The following PROS1 variants were observed in gnomAD, a reference collection of about 807,000 sequenced individuals.
PROS1 encodes the protein protein S.
PROS1 carries 29 observed loss-of-function variants against 75.9 expected under a neutral mutation model. That is an observed-to-expected ratio of 0.38 (90% confidence interval 0.28 to 0.52). The LOEUF (loss-of-function observed/expected upper bound fraction) is 0.52, where lower values mean the gene tolerates loss of function less well. Among genes scored for constraint, PROS1 ranks in the 20% least tolerant of loss-of-function variants. PROS1 has a pLI of 0.83. For synonymous variants in PROS1, 245 were observed against 280.6 expected (o/e 0.87, Z 1.27); for missense variants, 680 against 810.3 (o/e 0.84, Z 1.95).
chr3:93,947,859 C>A (rs1038735620), intron 1 of PROS1, among the ~76,000 whole-genome samples: 1 of 152,114 alleles, frequency 6.6e-6, no homozygotes, highest in African/African-American at 2.4e-5. Flanking sequence ...TGAGCCACCA[C>A]ACCCAGCCTA....
intron 4 of PROS1, among the ~76,000 whole-genome samples, chr3:93,907,689 A>G (rs1277757511): frequency 6.6e-6 from 1 of 152,238 alleles, no homozygotes; most frequent in East Asian, 1.9e-4. Context: ...AGGCACCACC[A>G]GCCACAGAAG....
At chr3:93,915,253 G>A (rs1270239376) in intron 3 of PROS1, among the ~76,000 whole-genome samples, 1 of 152,116 alleles carries the variant, frequency 6.6e-6, no homozygotes, top group Non-Finnish European at 1.5e-5. Context: ...GATCACTTAA[G>A]GTAAGGAGTT....
At chr3:93,937,813 A>T (rs1389523169) in intron 1 of PROS1, among the ~76,000 whole-genome samples, 1 of 152,160 alleles carries the variant, frequency 6.6e-6, no homozygotes, top group Admixed American at 6.5e-5. Flanking sequence ...ACAATATGAG[A>T]GGGTCTCTCT....
chr3:93,948,384 G>A (rs1559948243), intron 1 of PROS1, among the ~76,000 whole-genome samples: 1 of 152,172 alleles, frequency 6.6e-6, no homozygotes, highest in African/African-American at 2.4e-5. Flanking sequence ...TGTATATTCT[G>A]TTGATTTGGG....
intron 1 of PROS1, among the ~76,000 whole-genome samples, chr3:93,945,762 CCTCT>C (rs1709382767): frequency 6.6e-6 from 1 of 152,068 alleles, no homozygotes. Context: ...ACAGGGATGC[CCTCT>C]CTCACCACTC....
At chr3:93,970,797 C>T (rs1709868238) in intron 1 of PROS1, among the ~76,000 whole-genome samples, 1 of 152,004 alleles carries the variant, frequency 6.6e-6, no homozygotes, top group Admixed American at 6.6e-5. Context: ...TTTCTAATAA[C>T]TCTTTCTAAA....
chr3:93,951,796 A>T (rs1709502808), intron 1 of PROS1, among the ~76,000 whole-genome samples: 1 of 152,206 alleles, frequency 6.6e-6, no homozygotes, highest in African/African-American at 2.4e-5. Flanking sequence ...CAAATTGGAT[A>T]AAGAGTTAAG....
In PROS1 at chr3:93,873,062, A is replaced by G. The variant is rs1406450143; in HGVS notation, c.*1183T>C. 1.3e-5 allele frequency: 2 copies of G among 152,196 alleles called. No homozygotes were observed. The highest frequency in any genetic ancestry group is 2.9e-5 in the Non-Finnish European group (2 of 68,048). The allele number at this position is 152,196 out of a possible 1,614,324, so 9.4% of individuals were successfully genotyped here. A position where few individuals can be genotyped will look rare whatever the true frequency, so the allele number is the denominator to read the frequency against. On this transcript the variant is annotated 3_prime_UTR_variant, in exon 15 of 15. Coordinates refer to ENST00000394236, the MANE Select transcript of PROS1 (RefSeq NM_000313.4). Reference sequence around the variant, plus strand: ...TGAAGAGTTAAATGTCTATTATGTAATTTTGTTTTATTCAAACAGTTGATA... The same window carrying G: ...TGAAGAGTTAAATGTCTATTATGTAGTTTTGTTTTATTCAAACAGTTGATA...
intron 1 of PROS1, among the ~76,000 whole-genome samples, chr3:93,931,483 G>A (rs1433442470): frequency 6.6e-6 from 1 of 152,152 alleles, no homozygotes; most frequent in Non-Finnish European, 1.5e-5. Context: ...GCTTCATGTT[G>A]ATGCCATTTC....
At position 93,941,299 on chromosome 3, in the gene PROS1, A is replaced by G. The variant is rs146084593; in HGVS notation, c.77-13892T>C. On this transcript the variant is annotated intron_variant, in intron 1 of 14. Transcript: ENST00000394236. ...ATTTATTCTCCATGGGATATCAAGT[A>G]TCTCCTTCCAAAGCTCAAATTTCTT... 1.8e-3 allele frequency among the ~76,000 whole-genome samples: 274 copies of G among 152,238 alleles called. 3 individuals carry two copies. The highest frequency in any genetic ancestry group is 6.2e-3 in the African/African-American group (259 of 41,532).
intron 1 of PROS1, among the ~76,000 whole-genome samples, chr3:93,934,955 C>A (rs1709160799): frequency 6.6e-6 from 1 of 151,860 alleles, no homozygotes; most frequent in Non-Finnish European, 1.5e-5. Context: ...AAAAGTCACT[C>A]TGGCGTTGTT....
At chr3:93,915,507 T>C (rs1272981683) in intron 3 of PROS1, among the ~76,000 whole-genome samples, 1 of 152,164 alleles carries the variant, frequency 6.6e-6, no homozygotes, top group African/African-American at 2.4e-5. Context: ...AGCCACACAG[T>C]TCCTTCAATA....
At chr3:93,881,081 G>T (rs1708269834) in intron 12 of PROS1, among the ~76,000 whole-genome samples, 1 of 152,164 alleles carries the variant, frequency 6.6e-6, no homozygotes, top group African/African-American at 2.4e-5. Flanking sequence ...CACCAGCACT[G>T]GGAGGCTGAG....
At chr3:93,908,522 G>A (rs1708710062) in intron 4 of PROS1, among the ~76,000 whole-genome samples, 1 of 152,142 alleles carries the variant, frequency 6.6e-6, no homozygotes, top group Admixed American at 6.5e-5. Context: ...GAGAGAGAAA[G>A]AGAGATAGAG....
At chr3:93,938,555 C>T (rs979881779) in intron 1 of PROS1, among the ~76,000 whole-genome samples, 6 of 152,162 alleles carry the variant, frequency 3.9e-5, no homozygotes, top group Admixed American at 2.0e-4. Context: ...GACCAACCAG[C>T]CCAAGGAACA....
Position 93,906,043 on chromosome 3 carries a change from C to A in PROS1, c.447G>T (p.Trp149Cys). The change falls in exon 5 of 15, where the codon TGG becomes TGT. Residue 149 changes from tryptophan to cysteine, a missense_variant. Physicochemically the swap from Trp to Cys is radical, Grantham distance 215. Transcript: ENST00000394236. The stretch of plus-strand genomic sequence containing the variant: ...TACCAAATTCACACTTTTCTCCTTG[C>A]CAACCTGGTTTACAAGTGCAAGTAA... ...ASFTCTCKPG[W>C]QGEKCEFDIN... The A allele has an allele frequency of 6.2e-7, 1 of 1,614,092 alleles. No individual in the cohort carries two copies. Among genetic ancestry groups the A allele is most frequent in the Non-Finnish European group, 8.5e-7 (1 of 1,180,010 alleles).
At chr3:93,892,609 A>T (rs1487641127) in intron 10 of PROS1, among the ~76,000 whole-genome samples, 2 of 151,466 alleles carry the variant, frequency 1.3e-5, no homozygotes, top group African/African-American at 2.4e-5. Flanking sequence ...GGGCAACAAG[A>T]GCAAAACTCT....
intron 6 of PROS1, 45 bp downstream of exon 6, chr3:93,905,739 T>C (rs369101972): frequency 1.3e-6 from 2 of 1,593,404 alleles, no homozygotes; most frequent in Non-Finnish European, 1.7e-6. Context: ...ACTGGGATTA[T>C]TCTCACATAG....
chr3:93,967,896 A>T (rs1709814899), intron 1 of PROS1: 1 of 152,162 alleles, frequency 6.6e-6, no homozygotes, highest in South Asian at 2.1e-4. Context: ...TGTCTCAAAA[A>T]ATAAATAAAT....
Sources: allele counts gnomAD v4.1 joint callset (sites outside exome capture counted in the v4.1 genomes callset), GRCh38; gene constraint gnomAD v4.1.1; transcripts MANE v1.5; gene names NCBI Gene and HGNC (gene_info 2026-07-23, HGNC 2026-07-21).